Variants in RGSL1 observed in about 807,000 individuals in gnomAD.
RGSL1 encodes regulator of G protein signaling protein-like.
In RGSL1, 97 loss-of-function variants were observed where a neutral mutation model predicts 124.7. The ratio of observed to expected loss-of-function variants is 0.78; its 90% CI spans 0.66 to 0.92. The LOEUF (loss-of-function observed/expected upper bound fraction) is 0.92, where lower values mean the gene tolerates loss of function less well. Among genes scored for constraint, RGSL1 ranks in the 40% least tolerant of loss-of-function variants. RGSL1 has a pLI of 0.00. For synonymous variants in RGSL1, 424 were observed against 438.1 expected, an observed-to-expected ratio of 0.97 and a Z score of 0.40; for missense variants, 1,233 against 1,288.4, an observed-to-expected ratio of 0.96 and a Z score of 0.66.
At chr1:182,527,878 A>C in intron 11 of RGSL1, 106 bp downstream of exon 11, 1 of 891,996 alleles carries the variant, frequency 1.1e-6, no homozygotes. Context: ...AGCAGTACAG[A>C]GCAGCAGCCA....
At position 182,473,595 on chromosome 1, in the gene RGSL1, A is replaced by G; in HGVS notation, c.484A>G (p.Ile162Val). The change falls in exon 6 of 22, where the codon ATC becomes GTC. Residue 162 changes from isoleucine to valine, a missense_variant. Physicochemically the swap from Ile to Val is conservative, Grantham distance 29. Transcript: ENST00000294854. ...TCCAGAGTCCCTCCTGAACCTCTCCATCTGGCATCCCAACCAATCAACCAC... is the reference window on the plus strand; with the variant it reads ...TCCAGAGTCCCTCCTGAACCTCTCCGTCTGGCATCCCAACCAATCAACCAC... ...MNIKSLLNLS[I>V]WHPNQSTTRR... The G allele has an allele frequency of 1.3e-6, 2 of 1,547,630 alleles. No individual in the cohort carries two copies. Among genetic ancestry groups the G allele is most frequent in the South Asian group, 1.2e-5 (1 of 83,348 alleles).
intron 1 of RGSL1, among the ~76,000 whole-genome samples, chr1:182,453,183 G>A (rs1006972299): frequency 6.6e-6 from 1 of 152,210 alleles, no homozygotes; most frequent in South Asian, 2.1e-4. Flanking sequence ...TAATAAGTAT[G>A]TTGCATGATC....
chr1:182,534,356 A>G (rs1317546280), intron 14 of RGSL1, among the ~76,000 whole-genome samples: 1 of 152,162 alleles, frequency 6.6e-6, no homozygotes, highest in Non-Finnish European at 1.5e-5. Flanking sequence ...GTCTATTCTT[A>G]TTTATACTTC....
intron 11 of RGSL1, among the ~76,000 whole-genome samples, chr1:182,528,140 C>T (rs997422664): frequency 2.6e-5 from 4 of 151,996 alleles, no homozygotes; most frequent in African/African-American, 9.7e-5. Context: ...GAATGAGTGC[C>T]AAATGAAGGG....
intron 15 of RGSL1, among the ~76,000 whole-genome samples, chr1:182,545,560 A>G (rs1660158084): frequency 6.6e-6 from 1 of 151,896 alleles, no homozygotes; most frequent in Non-Finnish European, 1.5e-5. Flanking sequence ...AGAATAAAGA[A>G]CTCTCTTTAG....
rs1436400314 is a variant in RGSL1 at position 182,474,302 on chromosome 1, C to A, written c.1191C>A (p.Ile397=). Residue 397 remains isoleucine (I), a synonymous_variant, in exon 6 of 22, where the codon ATC becomes ATA. Coordinates refer to ENST00000294854, the MANE Select transcript of RGSL1 (RefSeq NM_001137669.2). ...HLKKLNLKVE[I]QLLDLWQDLQ... is the part of the protein sequence containing the mutation. Reference sequence around the variant, plus strand: ...AGAAGCTGAATTTGAAAGTGGAGATCCAACTTCTTGACCTCTGGCAGGACT... The same window carrying A: ...AGAAGCTGAATTTGAAAGTGGAGATACAACTTCTTGACCTCTGGCAGGACT... 2 of 1,551,664 alleles carry A rather than the reference C, an allele frequency of 1.3e-6. No homozygotes were observed. The highest frequency in any genetic ancestry group is 1.7e-6 in the Non-Finnish European group (2 of 1,147,010).
At chr1:182,463,118 C>A (rs146918876) in intron 4 of RGSL1, among the ~76,000 whole-genome samples, 11,909 of 151,690 alleles carry the variant, frequency 0.079, 521 homozygotes, top group South Asian at 0.18. Context: ...ACGGTGAAAC[C>A]CCGTCTCTAT....
chr1:182,485,412 G>C (rs918498076), intron 6 of RGSL1, among the ~76,000 whole-genome samples: 2 of 152,166 alleles, frequency 1.3e-5, no homozygotes, highest in Non-Finnish European at 2.9e-5. Flanking sequence ...AGGGGCAAGT[G>C]CTGGGGGCTT....
intron 8 of RGSL1, among the ~76,000 whole-genome samples, chr1:182,491,178 A>G (rs1655496804): frequency 6.6e-6 from 1 of 151,904 alleles, no homozygotes; most frequent in African/African-American, 2.4e-5. Flanking sequence ...GTGAGTGACC[A>G]TGCCTAGCCT....
chr1:182,483,240 GT>G (rs1241186467), intron 6 of RGSL1, among the ~76,000 whole-genome samples: 1 of 151,844 alleles, frequency 6.6e-6, no homozygotes, highest in East Asian at 1.9e-4. Context: ...TAGGTCTTGT[GT>G]TAAGTGTTTT....
chr1:182,521,979 T>C (rs1255246502), intron 9 of RGSL1, 25 bp from the exon 10 acceptor site: 1 of 1,433,070 alleles, frequency 7.0e-7, no homozygotes, highest in Non-Finnish European at 9.5e-7. Context: ...TATAGTGTTC[T>C]CCAACTTAGT....
chr1:182,459,978 T>C, intron 3 of RGSL1, 26 bp from the exon 4 acceptor site: 1 of 1,544,694 alleles, frequency 6.5e-7, no homozygotes, highest in Non-Finnish European at 8.7e-7. Context: ...CTTAGCATTT[T>C]TGTTTCTATT....
Position 182,532,715 on chromosome 1 carries a change from C to T in RGSL1, c.2418C>T (p.Arg806=), listed in dbSNP as rs1558397440. ...ISFIRSFCKY[R]RFMLNPSKRQ... is the part of the protein sequence containing the mutation. ...TTATCAGGAGTTTTTGCAAGTACCG[C>T]AGATTTATGTTGAATCCTAGTAAGC... The change falls in exon 14 of 22, where the codon CGC becomes CGT. Residue 806 remains arginine, a synonymous_variant. Transcript: ENST00000294854. 4 of 1,551,036 alleles carry T rather than the reference C, an allele frequency of 2.6e-6. No individual in the cohort carries two copies. The highest frequency in any genetic ancestry group is 3.5e-6 in the Non-Finnish European group (4 of 1,146,480).
At chr1:182,555,266 T>G (rs1262774401) in intron 20 of RGSL1, 6 of 154,754 alleles carry the variant, frequency 3.9e-5, no homozygotes, top group African/African-American at 1.4e-4. Flanking sequence ...GTTATTTCAC[T>G]TAAGATAATG....
intron 4 of RGSL1, among the ~76,000 whole-genome samples, chr1:182,469,377 A>G (rs1035569578): frequency 2.0e-5 from 3 of 152,180 alleles, no homozygotes; most frequent in African/African-American, 4.8e-5. Context: ...CATTCCTCCA[A>G]AGAAGATATA....
intron 2 of RGSL1, among the ~76,000 whole-genome samples, chr1:182,455,111 G>C (rs1422744409): frequency 6.6e-6 from 1 of 152,166 alleles, no homozygotes; most frequent in Non-Finnish European, 1.5e-5. Flanking sequence ...TTTATTGAAG[G>C]TCTGGGTGAC....
At chr1:182,530,556 C>CAT (rs1659099369) in intron 12 of RGSL1, among the ~76,000 whole-genome samples, 195 bp downstream of exon 12, 1 of 151,866 alleles carries the variant, frequency 6.6e-6, no homozygotes, top group South Asian at 2.1e-4. Context: ...CACACACACA[C>CAT]ACACACACAT....
chr1:182,554,768 A>G, intron 20 of RGSL1, 75 bp downstream of exon 20: 1 of 1,419,606 alleles, frequency 7.0e-7, no homozygotes, highest in South Asian at 1.2e-5. Context: ...GATGGTATAA[A>G]CTTTCCAGAG....
chr1:182,473,344 A>G (rs964252710), intron 5 of RGSL1, among the ~76,000 whole-genome samples: 11 of 152,190 alleles, frequency 7.2e-5, no homozygotes. Context: ...GAGGAATCCC[A>G]TAGCATGGCT....
Sources: gnomAD v4.1 joint callset for allele counts (sites outside exome capture counted in the v4.1 genomes callset) on GRCh38, gnomAD v4.1.1 for gene constraint, MANE v1.5 for transcripts, NCBI Gene and HGNC (gene_info 2026-07-23, HGNC 2026-07-21) for gene names.